HMCN2: variants seen among roughly 807,000 people sequenced by gnomAD.
The protein encoded by HMCN2 is hemicentin-2.
In HMCN2, 325 loss-of-function variants were observed where a neutral mutation model predicts 377.5. That is an observed-to-expected ratio of 0.86 (90% CI 0.79 to 0.94). The LOEUF (loss-of-function observed/expected upper bound fraction) is 0.94, where lower values mean the gene tolerates loss of function less well. Ranked by LOEUF, HMCN2 falls within the 40% of genes least tolerant of loss-of-function variation. HMCN2 has a pLI of 0.00. For synonymous variants in HMCN2, 2,007 were observed against 2,046.8 expected (o/e 0.98, Z 0.53); for missense variants, 4,543 against 4,725.3 (o/e 0.96, Z 1.13).
Position 130,344,570 on chromosome 9 carries a change from G to A in HMCN2, c.3829+2134G>A, listed in dbSNP as rs955560082. Among the ~76,000 whole-genome samples, 9 of 150,478 alleles carry A rather than the reference G, an allele frequency of 6.0e-5. No individual in the cohort carries two copies. The South Asian group carries it at 1.1e-3, about 18-fold the overall frequency. ...GTATGTGGTGTTTGGTATGTGGGGT[G>A]TGTATGTAGTGTTTGTATGTTGTGT... is the stretch of plus-strand genomic sequence containing the variant. On this transcript the variant is annotated intron_variant, in intron 25 of 97. Transcript: ENST00000683500.
chr9:130,312,586 T>TTCTTTCTTTC (rs1837323723), intron 15 of HMCN2, among the ~76,000 whole-genome samples: 1 of 100,236 alleles, frequency 1.0e-5, no homozygotes, highest in African/African-American at 3.8e-5. Context: ...CTTTCTTTCT[T>TTCTTTCTTTC]TCTTTCTTTC....
At chr9:130,329,338 A>G (rs948822689) in intron 22 of HMCN2, among the ~76,000 whole-genome samples, 1 of 152,192 alleles carries the variant, frequency 6.6e-6, no homozygotes, top group Non-Finnish European at 1.5e-5. Flanking sequence ...TTAATGGCCA[A>G]ATAGTGTCCC....
chr9:130,279,051 C>G (rs1318945216), intron 1 of HMCN2, among the ~76,000 whole-genome samples: 1 of 151,914 alleles, frequency 6.6e-6, no homozygotes, highest in African/African-American at 2.4e-5. Flanking sequence ...GCATGCGTCA[C>G]CAGGCCCAGC....
rs1157320926 is a variant in HMCN2 at position 130,418,895 on chromosome 9, C to G, written c.13085C>G (p.Pro4362Arg). 2 of 1,549,728 alleles carry G rather than the reference C, an allele frequency of 1.3e-6. No individual in the cohort carries two copies. Among genetic ancestry groups the G allele is most frequent in the Non-Finnish European group, 1.7e-6 (2 of 1,146,432 alleles). Residue 4362 changes from proline to arginine, a missense_variant, in exon 86 of 98, where the codon CCC becomes CGC. By Grantham distance (103) the Pro-to-Arg change is moderately radical. Around this residue, in one of 5 missense-constraint regions of HMCN2, gnomAD observed 1,155 missense variants for 1,157.7 expected, o/e 1.00. Coordinates refer to ENST00000683500, the MANE Select transcript of HMCN2 (RefSeq NM_001291815.2). ...PTIEWLQAGQ[P>R]LRASRRLRTL... ...ATTGAATGGCTACAGGCGGGTCAAC[C>G]CTTGCGGGCCAGCCGGCGGCTCCGG...
Position 130,400,955 on chromosome 9 carries a change from A to T in HMCN2, c.11770+8A>T, listed in dbSNP as rs912371339. The T allele has an allele frequency of 2.3e-6, 3 of 1,283,894 alleles. No homozygotes were observed. Among genetic ancestry groups the T allele is most frequent in the Non-Finnish European group, 3.0e-6 (3 of 986,258 alleles). 79.5% of individuals were successfully genotyped at this position (1,283,894 alleles called of 1,614,324 possible). A position where few individuals can be genotyped will look rare whatever the true frequency, so the allele number is the denominator to read the frequency against. ...ATCGTGTCTCACCATCGGGTAAGTA[A>T]GGGTAAGCCACAGAGAGAGGCAGCT... On this transcript the variant is annotated splice_region_variant and intron_variant, in intron 77 of 97. Transcript: ENST00000683500.
At position 130,385,557 on chromosome 9, in the gene HMCN2, C is replaced by A; in HGVS notation, c.9107-3C>A. The stretch of plus-strand genomic sequence containing the variant: ...ACCTCACTCTGCTATCTCCTGCCCC[C>A]AGTTCCCCCGGCCTTCAGGCAGGCT... On this transcript the variant is annotated splice_region_variant and splice_polypyrimidine_tract_variant and intron_variant, in intron 59 of 97. Transcript: ENST00000683500. 1.5e-6 allele frequency: 2 copies of A among 1,303,770 alleles called. No individual in the cohort carries two copies. Among genetic ancestry groups the A allele is most frequent in the Non-Finnish European group, 2.0e-6 (2 of 988,540 alleles). 80.8% of individuals were successfully genotyped at this position (1,303,770 alleles called of 1,614,324 possible).
chr9:130,312,504 T>TCTCTCTCTCTCC (rs1564775123), intron 15 of HMCN2, among the ~76,000 whole-genome samples: 4 of 22,020 alleles, frequency 1.8e-4, no homozygotes, highest in African/African-American at 4.3e-4. Context: ...TCTTTCTTTC[T>TCTCTCTCTCTCC]GTCCCTCCCT....
Position 130,302,392 on chromosome 9 carries a change from G to T in HMCN2, c.1277-465G>T, listed in dbSNP as rs544719463. Reference sequence around the variant, plus strand: ...AAAAGGCTTCTTTCTAACAAATTTCGATAAAACTGATGTTCTAGGCGGAGA... The same window carrying T: ...AAAAGGCTTCTTTCTAACAAATTTCTATAAAACTGATGTTCTAGGCGGAGA... On this transcript the variant is annotated intron_variant, in intron 8 of 97. Coordinates refer to ENST00000683500, the MANE Select transcript of HMCN2 (RefSeq NM_001291815.2). 2.8e-4 allele frequency among the ~76,000 whole-genome samples: 43 copies of T among 152,268 alleles called. 3 individuals are homozygous for T. The highest frequency in any genetic ancestry group is 1.9e-3 in the East Asian group (10 of 5,166).
At chr9:130,384,922 G>A (rs776928205) in intron 59 of HMCN2, 124 bp downstream of exon 59, 12 of 537,460 alleles carry the variant, frequency 2.2e-5, no homozygotes, top group African/African-American at 9.7e-5. Flanking sequence ...TGGGACGCCC[G>A]CACAGATCAG....
At position 130,306,721 on chromosome 9, in the gene HMCN2, G is replaced by A. The variant is rs112947273; in HGVS notation, c.1959-90G>A. ...AAGCCATCAGTACAGAATGGTCGTC[G>A]CTAGTGGCATTGTTAGTGAATTTGT... On this transcript the variant is annotated intron_variant, in intron 12 of 97. Transcript: ENST00000683500. 223 of 415,394 alleles carry A rather than the reference G, an allele frequency of 5.4e-4. 2 individuals carry two copies. The highest frequency in any genetic ancestry group is 3.7e-3 in the African/African-American group (182 of 49,132). 25.7% of individuals were successfully genotyped at this position (415,394 alleles called of 1,614,324 possible).
At chr9:130,396,857 G>A (rs958355382) in intron 73 of HMCN2, among the ~76,000 whole-genome samples, 1 of 152,228 alleles carries the variant, frequency 6.6e-6, no homozygotes, top group Non-Finnish European at 1.5e-5. Flanking sequence ...AGATCTAGGG[G>A]CTGCTCTCAG....
At chr9:130,309,597 C>G (rs1356075653) in intron 14 of HMCN2, among the ~76,000 whole-genome samples, 3 of 151,674 alleles carry the variant, frequency 2.0e-5, no homozygotes, top group African/African-American at 7.3e-5. Context: ...CAGAGCTGAC[C>G]CAGATCTCAG....
Position 130,427,293 on chromosome 9 carries a change from C to A in HMCN2, c.13880-20C>A. 6.5e-7 allele frequency: 1 copy of A among 1,550,068 alleles called. No individual in the cohort carries two copies. Among genetic ancestry groups the A allele is most frequent in the Non-Finnish European group, 8.7e-7 (1 of 1,146,620 alleles). ...GAGGACACCCTCATGTCCTTAGAGT[C>A]TATCCTCTTTGCTTTGCAGAGGAGA... On this transcript the variant is annotated intron_variant, in intron 90 of 97. Transcript: ENST00000683500.
intron 15 of HMCN2, among the ~76,000 whole-genome samples, chr9:130,312,730 A>G (rs889303988): frequency 2.0e-5 from 3 of 148,162 alleles, no homozygotes; most frequent in Non-Finnish European, 3.0e-5. Flanking sequence ...CCCAGGCGCA[A>G]TCTCGGCTCA....
At chr9:130,378,138 G>C (rs577648506) in intron 53 of HMCN2, among the ~76,000 whole-genome samples, 1 of 152,016 alleles carries the variant, frequency 6.6e-6, no homozygotes, top group Non-Finnish European at 1.5e-5. Context: ...ATCTCTGGTC[G>C]AGAGTAAGCT....
In HMCN2 at chr9:130,403,778, G is replaced by A; in HGVS notation, c.12051G>A (p.Arg4017=). 7.8e-7 allele frequency: 1 copy of A among 1,289,862 alleles called. No homozygotes were observed. Among genetic ancestry groups the A allele is most frequent in the South Asian group, 1.2e-5 (1 of 81,026 alleles). 79.9% of individuals were successfully genotyped at this position (1,289,862 alleles called of 1,614,324 possible). A position where few individuals can be genotyped will look rare whatever the true frequency, so the allele number is the denominator to read the frequency against. ...AGGTCCTACCAGGCGGACAGCTGCGGATTGCCCATGCCAGCCCAGAGGATG... is the reference window on the plus strand; with the variant it reads ...AGGTCCTACCAGGCGGACAGCTGCGAATTGCCCATGCCAGCCCAGAGGATG... ...STQVLPGGQL[R]IAHASPEDAG... Residue 4017 remains arginine (R), a synonymous_variant, in exon 80 of 98, where the codon CGG becomes CGA. Transcript: ENST00000683500.
intron 77 of HMCN2, among the ~76,000 whole-genome samples, 157 bp from the exon 78 acceptor site, chr9:130,402,632 T>G (rs985687988): frequency 6.6e-6 from 1 of 152,150 alleles, no homozygotes; most frequent in Non-Finnish European, 1.5e-5. Flanking sequence ...AACCTAGATG[T>G]CAGGTTCCCA....
chr9:130,356,734 A>C (rs1340563997), intron 34 of HMCN2, among the ~76,000 whole-genome samples: 2 of 152,100 alleles, frequency 1.3e-5, no homozygotes, highest in Admixed American at 1.3e-4. Flanking sequence ...CAACAACTAC[A>C]TTGGGATTGC....
At chr9:130,345,305 G>C (rs1429611869) in intron 25 of HMCN2, among the ~76,000 whole-genome samples, 2 of 148,086 alleles carry the variant, frequency 1.4e-5, no homozygotes, top group Non-Finnish European at 3.0e-5. Context: ...TGTGTGGTGT[G>C]TGTGTTGTTT....
Sources: gnomAD v4.1 joint callset for allele counts (sites outside exome capture counted in the v4.1 genomes callset) on GRCh38, gnomAD v4.1.1 for gene constraint, gnomAD v4.1.1 regional missense constraint, MANE v1.5 for transcripts, NCBI Gene and HGNC (gene_info 2026-07-23, HGNC 2026-07-21) for gene names.